The following AUTS2 variants were observed in gnomAD, a reference collection of about 807,000 sequenced individuals.
AUTS2 encodes autism susceptibility gene 2 protein.
In AUTS2, 17 loss-of-function variants were observed where a neutral mutation model predicts 112.4. The observed-to-expected ratio is 0.15, with a 90% confidence interval of 0.10 to 0.23. AUTS2 has a LOEUF of 0.23. AUTS2 is among the 10% of genes least tolerant of loss of function. The probability of loss-of-function intolerance (pLI) is 1.00; values close to 1 mark genes in which losing one functional copy is unlikely to be tolerated. For synonymous variants in AUTS2, 751 were observed against 702.7 expected, an observed-to-expected ratio of 1.07 and a Z score of -1.09; for missense variants, 1,510 against 1,701.6, an observed-to-expected ratio of 0.89 and a Z score of 1.98.
intron 5 of AUTS2, among the ~76,000 whole-genome samples, chr7:70,674,578 G>A (rs535138571): frequency 2.6e-5 from 4 of 152,300 alleles, no homozygotes; most frequent in African/African-American, 9.6e-5. Context: ...GCGATCCCGC[G>A]GCACCTGGTA....
In AUTS2 at chr7:70,049,215, A is replaced by G. The variant is rs546416377; in HGVS notation, c.523-68917A>G. 3.3e-5 allele frequency among the ~76,000 whole-genome samples: 5 copies of G among 152,326 alleles called. No individual in the cohort carries two copies. The South Asian group carries it at 8.3e-4, about 25-fold the overall frequency. ...AGGCTGTTTCAAATTTTTAATTTATATAGTCACATTTCAATGAACAATCCA... is the reference window on the plus strand; with the variant it reads ...AGGCTGTTTCAAATTTTTAATTTATGTAGTCACATTTCAATGAACAATCCA... On this transcript the variant is annotated intron_variant, in intron 2 of 18. Transcript: ENST00000342771.
chr7:70,416,113 C>G (rs1371747923), intron 4 of AUTS2, among the ~76,000 whole-genome samples: 3 of 152,040 alleles, frequency 2.0e-5, no homozygotes, highest in African/African-American at 7.3e-5. Context: ...GTGTTTTTTT[C>G]TCACTCAGAT....
At chr7:70,236,535 T>C (rs1242377624) in intron 4 of AUTS2, among the ~76,000 whole-genome samples, 1 of 152,228 alleles carries the variant, frequency 6.6e-6, no homozygotes, top group Non-Finnish European at 1.5e-5. Flanking sequence ...ATGGTCTTCA[T>C]CTGTATGTGT....
chr7:69,668,979 AT>A (rs1343200196), intron 1 of AUTS2, among the ~76,000 whole-genome samples: 5 of 151,940 alleles, frequency 3.3e-5, no homozygotes, highest in African/African-American at 1.2e-4. Flanking sequence ...GGTGAGGGAG[AT>A]TTGACCATTG....
chr7:69,649,903 C>T (rs1472600034), intron 1 of AUTS2, among the ~76,000 whole-genome samples: 2 of 152,174 alleles, frequency 1.3e-5, no homozygotes, highest in Non-Finnish European at 2.9e-5. Flanking sequence ...GAAAAGAGAA[C>T]AGTGCCTTCT....
intron 16 of AUTS2, chr7:70,785,570 C>A: frequency 2.2e-6 from 1 of 454,628 alleles, no homozygotes; most frequent in South Asian, 1.6e-5. Context: ...ATATCATAGG[C>A]ACGCCCTCAG....
chr7:70,712,525 T>C (rs191980848), intron 6 of AUTS2, among the ~76,000 whole-genome samples: 2 of 152,284 alleles, frequency 1.3e-5, no homozygotes, highest in East Asian at 3.9e-4. Flanking sequence ...CCATCAGCAA[T>C]ATCTGCATCC....
chr7:70,063,244 G>A (rs932854537), intron 2 of AUTS2, among the ~76,000 whole-genome samples: 5 of 151,474 alleles, frequency 3.3e-5, no homozygotes, highest in African/African-American at 1.2e-4. Flanking sequence ...TCACATTGCC[G>A]ATGGGTTTTG....
intron 2 of AUTS2, among the ~76,000 whole-genome samples, chr7:69,994,713 C>A (rs1247276187): frequency 6.6e-6 from 1 of 152,138 alleles, no homozygotes; most frequent in Non-Finnish European, 1.5e-5. Flanking sequence ...TATGTTGATT[C>A]GTGGACAGAT....
rs537378224 is a variant in AUTS2, at chr7:70,595,748, T to C, written c.691-102821T>C. On this transcript the variant is annotated intron_variant, in intron 5 of 18. Coordinates refer to ENST00000342771, the MANE Select transcript of AUTS2 (RefSeq NM_015570.4). Reference sequence around the variant, plus strand: ...TCCGGCTGTAAATGGCTTGAGCCCATTGTCAACTGGAAGACAGAGTGTGAC... The same window carrying C: ...TCCGGCTGTAAATGGCTTGAGCCCACTGTCAACTGGAAGACAGAGTGTGAC... Among the ~76,000 whole-genome samples the C allele has an allele frequency of 2.0e-5, 3 of 152,338 alleles. No homozygotes were observed. In the South Asian group the frequency reaches 6.2e-4, roughly 32 times the overall value.
At chr7:70,037,774 T>TC (rs1300566172) in intron 2 of AUTS2, among the ~76,000 whole-genome samples, 1 of 152,184 alleles carries the variant, frequency 6.6e-6, no homozygotes, top group Non-Finnish European at 1.5e-5. Flanking sequence ...AGTTTTCTCA[T>TC]CTGTGTAATG....
chr7:70,224,679 A>G (rs1019739720), intron 4 of AUTS2, among the ~76,000 whole-genome samples: 2 of 152,204 alleles, frequency 1.3e-5, no homozygotes, highest in Admixed American at 1.3e-4. Flanking sequence ...ACATTCATGC[A>G]CTGCTCACTC....
rs1037207533 is a variant in AUTS2, at chr7:69,598,567, C to T, written c.-1087C>T. The T allele has an allele frequency of 1.1e-5, 2 of 174,838 alleles. No individual in the cohort carries two copies. Among genetic ancestry groups the T allele is most frequent in the Admixed American group, 6.6e-5 (1 of 15,196 alleles). The allele number at this position is 174,838 out of a possible 1,614,324, so 10.8% of individuals were successfully genotyped here. The stretch of plus-strand genomic sequence containing the variant: ...GCGGCGGCGGCGGCAGCAGCAGCAG[C>T]GTTAGCGGCGGCGGCGAGAGCAGCG... On this transcript the variant is annotated 5_prime_UTR_variant, in exon 1 of 19. Coordinates refer to ENST00000342771, the MANE Select transcript of AUTS2 (RefSeq NM_015570.4).
chr7:70,012,831 A>T (rs1799865466), intron 2 of AUTS2, among the ~76,000 whole-genome samples: 1 of 152,188 alleles, frequency 6.6e-6, no homozygotes, highest in Non-Finnish European at 1.5e-5. Flanking sequence ...GGTTGTATTT[A>T]TAATTTATTT....
intron 4 of AUTS2, among the ~76,000 whole-genome samples, chr7:70,425,970 A>G (rs2130754030): frequency 6.6e-6 from 1 of 152,288 alleles, no homozygotes; most frequent in African/African-American, 2.4e-5. Context: ...AACTCAATTA[A>G]CGTTCTTAGC....
At position 70,495,102 on chromosome 7, in the gene AUTS2, G is replaced by T. The variant is rs936992327; in HGVS notation, c.690+59321G>T. ...TATTTTATATAAATAGACAAGTAGG[G>T]TGATATTTTCCTTGGTCTCGTGCCG... On this transcript the variant is annotated intron_variant, in intron 5 of 18. Coordinates refer to ENST00000342771, the MANE Select transcript of AUTS2 (RefSeq NM_015570.4). Among the ~76,000 whole-genome samples, 3 of 152,022 alleles carry T rather than the reference G, an allele frequency of 2.0e-5. No homozygotes were observed. In the East Asian group the frequency reaches 5.8e-4, roughly 29 times the overall value.
intron 4 of AUTS2, among the ~76,000 whole-genome samples, chr7:70,239,850 A>G (rs1812517237): frequency 6.6e-6 from 1 of 152,226 alleles, no homozygotes; most frequent in South Asian, 2.1e-4. Flanking sequence ...AAGGCAATGT[A>G]CATAAGAATG....
At chr7:70,624,150 C>T (rs748877547) in intron 5 of AUTS2, among the ~76,000 whole-genome samples, 20 of 152,200 alleles carry the variant, frequency 1.3e-4, no homozygotes, top group African/African-American at 4.6e-4. Context: ...GATAAACTTG[C>T]ATGTGCTGTG....
At chr7:70,707,580 C>T (rs1314067333) in intron 6 of AUTS2, among the ~76,000 whole-genome samples, 1 of 152,142 alleles carries the variant, frequency 6.6e-6, no homozygotes, top group Non-Finnish European at 1.5e-5. Context: ...GAACCCTCAA[C>T]AAGGGCTTCC....
Sources: allele counts gnomAD v4.1 joint callset (sites outside exome capture counted in the v4.1 genomes callset), GRCh38; gene constraint gnomAD v4.1.1; transcripts MANE v1.5; gene names NCBI Gene and HGNC (gene_info 2026-07-23, HGNC 2026-07-21).